Variants in TDRD5 observed in about 807,000 individuals in gnomAD.
TDRD5 encodes tudor domain-containing protein 5.
A neutral mutation model predicts 120.6 loss-of-function variants in TDRD5; 41 were observed. The ratio of observed to expected loss-of-function variants is 0.34; its 90% CI spans 0.26 to 0.44. The LOEUF is 0.44. TDRD5 is among the 20% of genes least tolerant of loss of function. TDRD5 has a pLI of 1.00. For missense variants in TDRD5, 1,006 were observed against 1,221.2 expected (o/e 0.82, Z 2.63); for synonymous variants, 430 against 433.7 (o/e 0.99, Z 0.11).
At chr1:179,675,027 CA>C (rs1173358560) in intron 17 of TDRD5, among the ~76,000 whole-genome samples, 1 of 151,870 alleles carries the variant, frequency 6.6e-6, no homozygotes, top group East Asian at 1.9e-4. Flanking sequence ...TTTATTGTTT[CA>C]ATTTCATTTA....
At chr1:179,595,970 TAGTAAGA>T in intron 4 of TDRD5, 152 bp downstream of exon 4, 2 of 731,298 alleles carry the variant, frequency 2.7e-6, no homozygotes, top group Non-Finnish European at 4.1e-6. Flanking sequence ...TTCTGTAGAT[TAGTAAGA>T]AGTGAGAAGT....
intron 11 of TDRD5, among the ~76,000 whole-genome samples, chr1:179,648,119 A>G (rs1363391434): frequency 6.7e-6 from 1 of 149,630 alleles, no homozygotes; most frequent in Non-Finnish European, 1.5e-5. Flanking sequence ...AGGACTATAA[A>G]TCATGCTGCT....
chr1:179,649,601 A>C (rs1459361926), intron 11 of TDRD5, among the ~76,000 whole-genome samples: 2 of 152,188 alleles, frequency 1.3e-5, no homozygotes, highest in Non-Finnish European at 2.9e-5. Flanking sequence ...CAATTTTTAT[A>C]GATTGCTAAT....
rs1228531696 is a variant in TDRD5, at chr1:179,686,983, C to CA, written c.2861-3707dup. Among the ~76,000 whole-genome samples the CA allele has an allele frequency of 3.9e-5, 6 of 152,136 alleles. No homozygotes were observed. The East Asian group carries it at 7.7e-4, about 20-fold the overall frequency. ...GTTCTATCTCCTTTGTTAATCTTTT[C>CA]AAAAAACCAGCTCCTGGATTCATTG... On this transcript the variant is annotated intron_variant, in intron 17 of 17. Coordinates refer to ENST00000444136, the MANE Select transcript of TDRD5 (RefSeq NM_001199085.3).
At chr1:179,670,415 T>C (rs568246522) in intron 17 of TDRD5, among the ~76,000 whole-genome samples, 44 of 151,978 alleles carry the variant, frequency 2.9e-4, no homozygotes, top group Non-Finnish European at 5.7e-4. Flanking sequence ...AAATTATATA[T>C]GTACACACAC....
intron 17 of TDRD5, among the ~76,000 whole-genome samples, chr1:179,679,996 A>C (rs1020012587): frequency 1.3e-5 from 2 of 152,124 alleles, no homozygotes; most frequent in Non-Finnish European, 2.9e-5. Flanking sequence ...GCATTCCATG[A>C]ATTTTGATAT....
chr1:179,627,037 G>T (rs776433917), intron 6 of TDRD5, among the ~76,000 whole-genome samples: 6 of 152,114 alleles, frequency 3.9e-5, no homozygotes, highest in Non-Finnish European at 8.8e-5. Flanking sequence ...AACAGCAAGT[G>T]ACTTATAAAG....
At chr1:179,658,622 A>G (rs972344502) in intron 14 of TDRD5, among the ~76,000 whole-genome samples, 5 of 152,158 alleles carry the variant, frequency 3.3e-5, no homozygotes, top group South Asian at 2.1e-4. Flanking sequence ...AGGGTCTGCA[A>G]TGATAATCTC....
At chr1:179,669,152 TA>T in intron 16 of TDRD5, 41 bp from the exon 17 acceptor site, 1 of 1,562,172 alleles carries the variant, frequency 6.4e-7, no homozygotes, top group Non-Finnish European at 8.8e-7. Flanking sequence ...ATTCTTATAC[TA>T]ACACTTTTCA....
intron 11 of TDRD5, 55 bp downstream of exon 11, chr1:179,640,500 C>A: frequency 6.6e-7 from 1 of 1,526,416 alleles, no homozygotes; most frequent in Non-Finnish European, 9.1e-7. Context: ...CTATTATGTG[C>A]CAATAACAGT....
chr1:179,642,123 C>CG (rs1379522876), intron 11 of TDRD5, among the ~76,000 whole-genome samples: 1 of 149,452 alleles, frequency 6.7e-6, no homozygotes, highest in East Asian at 2.0e-4. Context: ...TTTTTGGAGA[C>CG]GGAGTCTTCC....
chr1:179,598,922 A>G (rs1389007901), intron 4 of TDRD5, among the ~76,000 whole-genome samples: 1 of 152,044 alleles, frequency 6.6e-6, no homozygotes, highest in African/African-American at 2.4e-5. Flanking sequence ...TATAAATGTG[A>G]GAGTGGAAAA....
In TDRD5 at chr1:179,593,876, G is replaced by A; in HGVS notation, c.640+9G>A. On this transcript the variant is annotated intron_variant, in intron 3 of 17. Transcript: ENST00000444136. ...GAGAGGATGTCCAGCAGGTACGCAT[G>A]TGAGCAAATGTTGGAGCAGTCATGG... is the stretch of plus-strand genomic sequence containing the variant. 1 of 1,607,968 alleles carries A rather than the reference G, an allele frequency of 6.2e-7. No homozygotes were observed. The highest frequency in any genetic ancestry group is 8.5e-7 in the Non-Finnish European group (1 of 1,176,104).
At chr1:179,640,134 T>G in intron 10 of TDRD5, 83 bp downstream of exon 10, 3 of 1,414,598 alleles carry the variant, frequency 2.1e-6, no homozygotes, top group South Asian at 2.5e-5. Flanking sequence ...GATCTCTCTT[T>G]TCTCTTGCCT....
intron 17 of TDRD5, among the ~76,000 whole-genome samples, chr1:179,679,974 CCTG>C (rs1680335877): frequency 6.6e-6 from 1 of 151,982 alleles, no homozygotes; most frequent in Non-Finnish European, 1.5e-5. Context: ...CCCTCTAAAC[CCTG>C]CTTTTGCTGC....
intron 14 of TDRD5, among the ~76,000 whole-genome samples, chr1:179,661,706 T>C (rs1679321202): frequency 6.6e-6 from 1 of 152,166 alleles, no homozygotes; most frequent in Non-Finnish European, 1.5e-5. Flanking sequence ...GTGTGCTTGT[T>C]TTCATTCCCA....
At chr1:179,676,522 T>C (rs1422708845) in intron 17 of TDRD5, among the ~76,000 whole-genome samples, 1 of 152,240 alleles carries the variant, frequency 6.6e-6, no homozygotes, top group East Asian at 1.9e-4. Flanking sequence ...TAGTGCTCCT[T>C]TAGCAGTTCC....
intron 17 of TDRD5, 134 bp downstream of exon 17, chr1:179,669,538 C>A: frequency 9.9e-7 from 1 of 1,010,222 alleles, no homozygotes. Flanking sequence ...TGTGTTAAGT[C>A]CTTGTTTTAT....
chr1:179,597,073 A>G (rs561069963), intron 4 of TDRD5, among the ~76,000 whole-genome samples: 22 of 152,176 alleles, frequency 1.4e-4, no homozygotes, highest in Non-Finnish European at 3.2e-4. Flanking sequence ...ATCTTTTCAC[A>G]TGCGTGTTTG....
Sources: gnomAD v4.1 joint callset for allele counts (sites outside exome capture counted in the v4.1 genomes callset) on GRCh38, gnomAD v4.1.1 for gene constraint, MANE v1.5 for transcripts, NCBI Gene and HGNC (gene_info 2026-07-23, HGNC 2026-07-21) for gene names.